Variants in DHRSX observed in about 807,000 individuals in gnomAD.
DHRSX encodes the protein polyprenol dehydrogenase.
In DHRSX, 31 loss-of-function variants were observed where a neutral mutation model predicts 34.0. The observed-to-expected ratio is 0.91, with a 90% CI of 0.69 to 1.23. The LOEUF (loss-of-function observed/expected upper bound fraction) is 1.23. DHRSX is among the 50% of genes most tolerant of loss of function. The probability of loss-of-function intolerance (pLI) is 0.00; values close to 1 mark genes in which losing one functional copy is unlikely to be tolerated. For synonymous variants in DHRSX, 201 were observed against 183.8 expected, an observed-to-expected ratio of 1.09 and a Z score of -0.76; for missense variants, 414 against 428.1, an observed-to-expected ratio of 0.97 and a Z score of 0.29.
chrX:2,231,426 CCTTTTTCT>C (rs1030536280), intron 6 of DHRSX, among the ~76,000 whole-genome samples: 3 of 151,890 alleles, frequency 2.0e-5, no homozygotes, highest in East Asian at 1.9e-4. Context: ...GCTTCCTCTT[CCTTTTTCT>C]CTTTTTCTCT....
chrX:2,354,462 T>G (rs1332898646), intron 3 of DHRSX, among the ~76,000 whole-genome samples: 1 of 152,160 alleles, frequency 6.6e-6, no homozygotes, highest in Non-Finnish European at 1.5e-5. Context: ...CCCATCCATC[T>G]TTTTTGTTTT....
intron 2 of DHRSX, among the ~76,000 whole-genome samples, chrX:2,422,936 C>G (rs1325107138): frequency 3.3e-5 from 5 of 152,068 alleles, no homozygotes; most frequent in East Asian, 3.9e-4. Flanking sequence ...AGGCGCCCAC[C>G]ACCACGCAGG....
At chrX:2,235,222 A>T (rs2015984566) in intron 6 of DHRSX, among the ~76,000 whole-genome samples, 1 of 152,138 alleles carries the variant, frequency 6.6e-6, no homozygotes, top group Admixed American at 6.6e-5. Flanking sequence ...TGCAAGTGGG[A>T]GTTCACCAGT....
intron 3 of DHRSX, among the ~76,000 whole-genome samples, chrX:2,295,265 G>A (rs1245837331): frequency 6.6e-6 from 1 of 152,128 alleles, no homozygotes; most frequent in Non-Finnish European, 1.5e-5. Flanking sequence ...ATGAGTTCAT[G>A]TCCTTTGCAG....
intron 1 of DHRSX, among the ~76,000 whole-genome samples, chrX:2,448,740 T>C (rs2044175449): frequency 6.6e-6 from 1 of 152,200 alleles, no homozygotes; most frequent in South Asian, 2.1e-4. Flanking sequence ...TAAAAATGAC[T>C]CGCATTTCCA....
chrX:2,372,527 C>T lies in DHRSX; in HGVS notation c.286+36218G>A, dbSNP rs184170519. Among the ~76,000 whole-genome samples, 177 of 152,182 alleles carry T rather than the reference C, an allele frequency of 1.2e-3. 1 individual carries two copies. Among genetic ancestry groups the T allele is most frequent in the Non-Finnish European group, 2.2e-3 (147 of 68,012 alleles). ...ACAAGGGCAAACGTAAGCAGCGAAG[C>T]CCCAGAGACCCCCTAGAGCATCCAG... is the stretch of plus-strand genomic sequence containing the variant. On this transcript the variant is annotated intron_variant, in intron 3 of 6. Coordinates refer to ENST00000334651, the MANE Select transcript of DHRSX (RefSeq NM_145177.3).
intron 1 of DHRSX, among the ~76,000 whole-genome samples, chrX:2,483,015 G>A (rs2044797542): frequency 6.6e-6 from 1 of 152,028 alleles, no homozygotes; most frequent in African/African-American, 2.4e-5. Context: ...ACTAGCTCAC[G>A]TAAATTAGGG....
intron 6 of DHRSX, among the ~76,000 whole-genome samples, chrX:2,231,692 C>T (rs1182886018): frequency 8.7e-5 from 13 of 148,732 alleles, no homozygotes; most frequent in Non-Finnish European, 1.8e-4. Context: ...TCTCTTCTTG[C>T]CTTTTCACTC....
At chrX:2,268,852 T>C (rs1412864868) in intron 4 of DHRSX, among the ~76,000 whole-genome samples, 2 of 152,264 alleles carry the variant, frequency 1.3e-5, no homozygotes, top group East Asian at 1.9e-4. Context: ...TCTACGTGTA[T>C]TGCACGCATG....
chrX:2,304,569 G>A (rs1043046753), intron 3 of DHRSX, among the ~76,000 whole-genome samples: 6 of 151,986 alleles, frequency 3.9e-5, no homozygotes, highest in African/African-American at 1.5e-4. Context: ...CGTGGCATCT[G>A]GTTGTTGAAA....
At chrX:2,380,571 G>C (rs759600588) in intron 3 of DHRSX, among the ~76,000 whole-genome samples, 1 of 152,118 alleles carries the variant, frequency 6.6e-6, no homozygotes, top group South Asian at 2.1e-4. Context: ...ATCTCACGTT[G>C]AATTGTAATT....
chrX:2,304,476 A>G (rs2042077242), intron 3 of DHRSX, among the ~76,000 whole-genome samples: 1 of 151,914 alleles, frequency 6.6e-6, no homozygotes, highest in African/African-American at 2.4e-5. Context: ...TTGTAGGGGG[A>G]GATTGGGTCA....
At chrX:2,384,110 C>A (rs139993380) in intron 3 of DHRSX, among the ~76,000 whole-genome samples, 10,579 of 151,982 alleles carry the variant, frequency 0.07, 783 homozygotes, top group African/African-American at 0.18. Flanking sequence ...GGAGTGATAC[C>A]GAAAATGACG....
intron 3 of DHRSX, among the ~76,000 whole-genome samples, chrX:2,327,186 T>C (rs1419754185): frequency 6.6e-6 from 1 of 152,198 alleles, no homozygotes; most frequent in African/African-American, 2.4e-5. Context: ...TACTCAGCCA[T>C]TCCATCAAGG....
chrX:2,434,067 C>T lies in DHRSX; in HGVS notation c.110-8763G>A, dbSNP rs180784211. On this transcript the variant is annotated intron_variant, in intron 1 of 6. Transcript: ENST00000334651. The stretch of plus-strand genomic sequence containing the variant: ...TGCTGGGATTACAGGCGTGAGCCAC[C>T]GCGCCCGGTCTATAAAGAGCTCTTC... Among the ~76,000 whole-genome samples, 540 of 152,254 alleles carry T rather than the reference C, an allele frequency of 3.5e-3. 2 individuals are homozygous for T. The highest frequency in any genetic ancestry group is 0.011 in the African/African-American group (477 of 41,554).
At chrX:2,489,283 G>T (rs1209678818) in intron 1 of DHRSX, 2 of 1,613,968 alleles carry the variant, frequency 1.2e-6, no homozygotes. Context: ...GCAGCCTCTT[G>T]TAGCGGGGGT....
At chrX:2,370,512 C>A (rs1475641588) in intron 3 of DHRSX, among the ~76,000 whole-genome samples, 3 of 150,804 alleles carry the variant, frequency 2.0e-5, no homozygotes, top group Admixed American at 2.0e-4. Context: ...GTCCATCATT[C>A]CACACAACTG....
rs145893938 is a variant in DHRSX, at chrX:2,494,620, G to C, written c.109+6197C>G. 8.5e-3 allele frequency among the ~76,000 whole-genome samples: 1,297 copies of C among 151,852 alleles called. 39 individuals carry two copies. Among genetic ancestry groups the C allele is most frequent in the East Asian group, 0.084 (434 of 5,160 alleles). ...TCTGGCACTTCAGTCAAAGGTTTATGTTCTATTATTATCATTATTATTATT... is the reference window on the plus strand; with the variant it reads ...TCTGGCACTTCAGTCAAAGGTTTATCTTCTATTATTATCATTATTATTATT... On this transcript the variant is annotated intron_variant, in intron 1 of 6. Coordinates refer to ENST00000334651, the MANE Select transcript of DHRSX (RefSeq NM_145177.3).
chrX:2,244,683 TTATATATA>T, intron 5 of DHRSX, among the ~76,000 whole-genome samples: 1 of 149,200 alleles, frequency 6.7e-6, no homozygotes, highest in East Asian at 1.9e-4. Flanking sequence ...CTTGCTTCTT[TTATATATA>T]TATATATTTT....
Sources: gnomAD v4.1 joint callset for allele counts (sites outside exome capture counted in the v4.1 genomes callset) on GRCh38, gnomAD v4.1.1 for gene constraint, MANE v1.5 for transcripts, NCBI Gene and HGNC (gene_info 2026-07-23, HGNC 2026-07-21) for gene names.